CCSER1: variants seen among roughly 807,000 people sequenced by gnomAD.
CCSER1 encodes serine-rich coiled-coil domain-containing protein 1.
CCSER1 carries 41 observed loss-of-function variants against 82.0 expected under a neutral mutation model. That is an observed-to-expected ratio of 0.50 (90% CI 0.39 to 0.65). The LOEUF (loss-of-function observed/expected upper bound fraction) is 0.65, where lower values mean the gene tolerates loss of function less well. CCSER1 is among the 30% of genes least tolerant of loss of function. CCSER1 has a pLI of 0.00. For synonymous variants in CCSER1, 414 were observed against 383.9 expected (o/e 1.08, Z -0.92); for missense variants, 1,119 against 1,064.2 (o/e 1.05, Z -0.72).
At chr4:90,553,966 G>A (rs769288264) in intron 5 of CCSER1, among the ~76,000 whole-genome samples, 1 of 152,132 alleles carries the variant, frequency 6.6e-6, no homozygotes, top group Admixed American at 6.5e-5. Context: ...AACTCTAGAC[G>A]TACTAGGTAT....
intron 1 of CCSER1, among the ~76,000 whole-genome samples, chr4:90,220,036 C>G (rs1403133236): frequency 1.3e-5 from 2 of 152,048 alleles, no homozygotes; most frequent in Non-Finnish European, 2.9e-5. Flanking sequence ...GTGGTCAATC[C>G]TAGTCTGAAA....
chr4:91,254,532 AG>A (rs2149153856), intron 10 of CCSER1, among the ~76,000 whole-genome samples: 1 of 152,280 alleles, frequency 6.6e-6, no homozygotes, highest in African/African-American at 2.4e-5. Flanking sequence ...TGGTTGTAAG[AG>A]ACTGAATGAA....
At chr4:90,688,230 C>A (rs1377681898) in intron 6 of CCSER1, among the ~76,000 whole-genome samples, 1 of 152,086 alleles carries the variant, frequency 6.6e-6, no homozygotes, top group East Asian at 1.9e-4. Context: ...CATCTGCTGT[C>A]ACTGTCAATA....
chr4:90,770,500 A>T (rs1413496887), intron 7 of CCSER1, among the ~76,000 whole-genome samples: 3 of 152,236 alleles, frequency 2.0e-5, no homozygotes, highest in African/African-American at 7.2e-5. Context: ...GAGTTATTGA[A>T]CAAGATTTTA....
At chr4:90,369,573 A>G (rs1379038260) in intron 3 of CCSER1, among the ~76,000 whole-genome samples, 1 of 152,068 alleles carries the variant, frequency 6.6e-6, no homozygotes, top group Non-Finnish European at 1.5e-5. Context: ...TTTAACTAAC[A>G]GAATTCAACA....
chr4:90,516,212 C>T (rs555870473), intron 5 of CCSER1, among the ~76,000 whole-genome samples: 1 of 152,048 alleles, frequency 6.6e-6, no homozygotes, highest in East Asian at 1.9e-4. Flanking sequence ...GAGTTCCTAG[C>T]AGAAGAAATA....
At chr4:90,872,881 T>C (rs1056062875) in intron 8 of CCSER1, among the ~76,000 whole-genome samples, 11 of 151,916 alleles carry the variant, frequency 7.2e-5, no homozygotes, top group African/African-American at 2.7e-4. Context: ...GATATTTTCT[T>C]TAAATATATC....
chr4:90,277,265 C>T (rs1190453038), intron 1 of CCSER1, among the ~76,000 whole-genome samples: 1 of 152,076 alleles, frequency 6.6e-6, no homozygotes, highest in Non-Finnish European at 1.5e-5. Flanking sequence ...TAATGCATTT[C>T]CAAACTACCA....
rs375814494 is a variant in CCSER1 at position 91,145,166 on chromosome 4, T to C, written c.2217+59172T>C. Among the ~76,000 whole-genome samples, 231 of 152,292 alleles carry C rather than the reference T, an allele frequency of 1.5e-3. 3 individuals are homozygous for C. Among genetic ancestry groups the C allele is most frequent in the African/African-American group, 5.3e-3 (219 of 41,586 alleles). On this transcript the variant is annotated intron_variant, in intron 10 of 10. Transcript: ENST00000509176. ...AAACTGGGTACATATGTGTATAAAA[T>C]AGTTCAGTCTTTTTGTTCAATTGAA...
At chr4:90,909,872 A>C (rs1371702971) in intron 8 of CCSER1, among the ~76,000 whole-genome samples, 1 of 152,200 alleles carries the variant, frequency 6.6e-6, no homozygotes, top group African/African-American at 2.4e-5. Context: ...AGAAACTGGA[A>C]ATTTTAGAAT....
chr4:90,927,025 A>G (rs1561375354), intron 9 of CCSER1, among the ~76,000 whole-genome samples: 1 of 152,020 alleles, frequency 6.6e-6, no homozygotes, highest in Non-Finnish European at 1.5e-5. Flanking sequence ...ACTACTACAA[A>G]TAGCATTTTG....
At chr4:91,562,518 A>G (rs891766979) in intron 10 of CCSER1, among the ~76,000 whole-genome samples, 1 of 151,524 alleles carries the variant, frequency 6.6e-6, no homozygotes, top group South Asian at 2.1e-4. Context: ...CTGTGTAAAC[A>G]TGCCAAATTT....
intron 4 of CCSER1, among the ~76,000 whole-genome samples, chr4:90,440,712 T>G (rs1022185675): frequency 6.6e-6 from 1 of 152,092 alleles, no homozygotes; most frequent in African/African-American, 2.4e-5. Flanking sequence ...TTGACGACTT[T>G]CCCCAGCTCA....
At chr4:90,160,026 G>A (rs1353988613) in intron 1 of CCSER1, among the ~76,000 whole-genome samples, 3 of 152,184 alleles carry the variant, frequency 2.0e-5, no homozygotes. Context: ...AGGTAGTGGT[G>A]TTATTCTCAT....
chr4:91,016,998 A>C (rs1309577935), intron 9 of CCSER1, among the ~76,000 whole-genome samples: 1 of 152,136 alleles, frequency 6.6e-6, no homozygotes, highest in East Asian at 1.9e-4. Flanking sequence ...ATAGAAGAGA[A>C]ACTGGTCTAA....
chr4:91,076,120 G>T (rs941401736), intron 9 of CCSER1, among the ~76,000 whole-genome samples: 5 of 152,060 alleles, frequency 3.3e-5, no homozygotes, highest in African/African-American at 9.7e-5. Flanking sequence ...TAAAGCCCTA[G>T]TATCATATGG....
At chr4:90,944,009 G>A (rs764264881) in intron 9 of CCSER1, among the ~76,000 whole-genome samples, 5 of 151,838 alleles carry the variant, frequency 3.3e-5, no homozygotes, top group Non-Finnish European at 5.9e-5. Context: ...CGAGGTGGGC[G>A]GATTGCCTGA....
intron 1 of CCSER1, among the ~76,000 whole-genome samples, chr4:90,155,900 C>T (rs908739533): frequency 6.6e-6 from 1 of 151,476 alleles, no homozygotes; most frequent in Non-Finnish European, 1.5e-5. Flanking sequence ...TTAGTTATTT[C>T]TTGCCTTCTG....
At chr4:90,755,622 A>G (rs1006170092) in intron 7 of CCSER1, among the ~76,000 whole-genome samples, 1 of 152,216 alleles carries the variant, frequency 6.6e-6, no homozygotes, top group African/African-American at 2.4e-5. Flanking sequence ...TTAGATAACA[A>G]ATGGACAAAT....
Sources: allele counts gnomAD v4.1 joint callset (sites outside exome capture counted in the v4.1 genomes callset), GRCh38; gene constraint gnomAD v4.1.1; transcripts MANE v1.5; gene names NCBI Gene and HGNC (gene_info 2026-07-23, HGNC 2026-07-21).